The following NUAK1 variants were observed in gnomAD, a reference collection of about 807,000 sequenced individuals.
NUAK1 encodes NUAK family SNF1-like kinase 1.
In NUAK1, 26 loss-of-function variants were observed where a neutral mutation model predicts 56.9. The observed-to-expected ratio is 0.46, with a 90% CI of 0.33 to 0.63. The LOEUF is 0.63. Ranked by LOEUF, NUAK1 falls within the 30% of genes least tolerant of loss-of-function variation. The pLI, the probability that NUAK1 is intolerant of heterozygous loss-of-function variation, is 0.02. For missense variants in NUAK1, 727 were observed against 876.1 expected (o/e 0.83, Z 2.15); for synonymous variants, 337 against 336.0 (o/e 1.00, Z -0.03).
At chr12:106,101,556 C>T (rs879565583) in intron 2 of NUAK1, among the ~76,000 whole-genome samples, 2 of 152,280 alleles carry the variant, frequency 1.3e-5, no homozygotes, top group Non-Finnish European at 1.5e-5. Context: ...AGTTAAAAGT[C>T]GGTCATCTAT....
At chr12:106,093,595 G>T (rs549209066) in intron 2 of NUAK1, among the ~76,000 whole-genome samples, 1 of 152,184 alleles carries the variant, frequency 6.6e-6, no homozygotes, top group Admixed American at 6.5e-5. Context: ...TGAGGGAAAC[G>T]CTGATGAGTG....
chr12:106,081,840 T>A, intron 4 of NUAK1, among the ~76,000 whole-genome samples: 1 of 152,152 alleles, frequency 6.6e-6, no homozygotes, highest in East Asian at 1.9e-4. Context: ...AGATGACATT[T>A]AGTTTTGAGA....
rs1372467999 is a variant in NUAK1, at chr12:106,138,021, G to GGAATGTGGTTC, written c.240+382_240+392dup. ...GACTTGAGGGGCTAGCTCCTAGCTG[G>GGAATGTGGTTC]GAATGTGGTTCTTTGGAGAGTTGTG... On this transcript the variant is annotated intron_variant, in intron 1 of 6. Coordinates refer to ENST00000261402, the MANE Select transcript of NUAK1 (RefSeq NM_014840.3). This position sits in a 1 kb window ranked among gnomAD's most constrained non-coding sequence, Gnocchi z 5.0. Among the ~76,000 whole-genome samples, 1 of 152,180 alleles carries GGAATGTGGTTC rather than the reference G, an allele frequency of 6.6e-6. No individual in the cohort carries two copies. Among genetic ancestry groups the GGAATGTGGTTC allele is most frequent in the Non-Finnish European group, 1.5e-5 (1 of 68,038 alleles).
At chr12:106,118,335 C>T in intron 1 of NUAK1, among the ~76,000 whole-genome samples, 1 of 152,230 alleles carries the variant, frequency 6.6e-6, no homozygotes, top group East Asian at 1.9e-4. Context: ...TACTTGGATC[C>T]AGTGGCCAAT....
rs1403300281 is a variant in NUAK1, at chr12:106,066,698, T to TC, written c.*103dup. On this transcript the variant is annotated 3_prime_UTR_variant, in exon 7 of 7. Transcript: ENST00000261402. ...CAAGTGAGACAGTGCCAATCCTTTTTCAGTCTGTTGTCACAGCCAGCAAAG... is the reference window on the plus strand; with the variant it reads ...CAAGTGAGACAGTGCCAATCCTTTTTCCAGTCTGTTGTCACAGCCAGCAAAG... 12 of 996,682 alleles carry TC rather than the reference T, an allele frequency of 1.2e-5. No homozygotes were observed. The African/African-American group carries it at 1.9e-4, about 16-fold the overall frequency. The allele number at this position is 996,682 out of a possible 1,614,324, so 61.7% of individuals were successfully genotyped here. A position where few individuals can be genotyped will look rare whatever the true frequency, so the allele number is the denominator to read the frequency against.
At chr12:106,103,333 A>G (rs1031843358) in intron 2 of NUAK1, 3 of 152,208 alleles carry the variant, frequency 2.0e-5, no homozygotes, top group Non-Finnish European at 4.4e-5. Context: ...CCCAAAACAC[A>G]ATAGTGTTCT....
intron 1 of NUAK1, among the ~76,000 whole-genome samples, chr12:106,107,898 T>C (rs2032818682): frequency 6.6e-6 from 1 of 152,226 alleles, no homozygotes; most frequent in African/African-American, 2.4e-5. Context: ...TCCTTTGCAG[T>C]CCTTACCCCA....
chr12:106,136,044 C>A (rs1034028008), intron 1 of NUAK1, among the ~76,000 whole-genome samples: 2 of 152,132 alleles, frequency 1.3e-5, no homozygotes, highest in Admixed American at 6.5e-5. Flanking sequence ...GGACGGGGGG[C>A]CAAGGAGGAC....
chr12:106,084,121 C>T (rs549676137), intron 3 of NUAK1, 192 bp from the exon 4 acceptor site: 10 of 589,646 alleles, frequency 1.7e-5, no homozygotes, highest in African/African-American at 1.9e-5. Context: ...GACCAACCAG[C>T]GACAGGAGAG....
chr12:106,075,458 T>G (rs780202037), intron 4 of NUAK1, among the ~76,000 whole-genome samples: 1 of 152,180 alleles, frequency 6.6e-6, no homozygotes, highest in East Asian at 1.9e-4. Flanking sequence ...CTCTGAAGCT[T>G]CAGTTTTCTC....
chr12:106,099,714 TTAAG>T (rs2032729389), intron 2 of NUAK1, among the ~76,000 whole-genome samples: 1 of 152,064 alleles, frequency 6.6e-6, no homozygotes, highest in South Asian at 2.1e-4. Context: ...GATATAAGGG[TTAAG>T]TGAGATAGTA....
At chr12:106,106,339 T>C in intron 2 of NUAK1, 66 bp downstream of exon 2, 1 of 1,441,018 alleles carries the variant, frequency 6.9e-7, no homozygotes, top group Non-Finnish European at 9.4e-7. Flanking sequence ...CTCAAAGTCT[T>C]GGCAGGCCCC....
chr12:106,071,923 C>A (rs902109445), intron 5 of NUAK1, among the ~76,000 whole-genome samples: 1 of 152,208 alleles, frequency 6.6e-6, no homozygotes, highest in African/African-American at 2.4e-5. Flanking sequence ...TTTCAACACA[C>A]TGAGCAGCTG....
chr12:106,084,108 A>T, intron 3 of NUAK1, 179 bp from the exon 4 acceptor site: 1 of 599,792 alleles, frequency 1.7e-6, no homozygotes, highest in Middle Eastern at 3.7e-4. Flanking sequence ...CTCCCCCGCC[A>T]GCGACCAACC....
At chr12:106,114,047 C>T (rs922854918) in intron 1 of NUAK1, among the ~76,000 whole-genome samples, 1 of 152,170 alleles carries the variant, frequency 6.6e-6, no homozygotes, top group African/African-American at 2.4e-5. Flanking sequence ...TCTCTGAAGC[C>T]AAATGCAACA....
chr12:106,097,021 A>C (rs972290625), intron 2 of NUAK1, among the ~76,000 whole-genome samples: 12 of 152,182 alleles, frequency 7.9e-5, no homozygotes, highest in African/African-American at 2.7e-4. Context: ...TCCAGCCAGA[A>C]AGGACATCTC....
chr12:106,102,311 A>G (rs190264134), intron 2 of NUAK1, among the ~76,000 whole-genome samples: 1 of 152,296 alleles, frequency 6.6e-6, no homozygotes, highest in Admixed American at 6.5e-5. Flanking sequence ...ACTCATGCAC[A>G]CAACACATGA....
intron 4 of NUAK1, among the ~76,000 whole-genome samples, chr12:106,081,756 C>T (rs1175420173): frequency 6.6e-6 from 1 of 152,236 alleles, no homozygotes; most frequent in Non-Finnish European, 1.5e-5. Context: ...GGGAATACAT[C>T]ATGGGACCAA....
intron 4 of NUAK1, among the ~76,000 whole-genome samples, chr12:106,079,948 T>C (rs1381956828): frequency 6.6e-6 from 1 of 152,242 alleles, no homozygotes; most frequent in African/African-American, 2.4e-5. Context: ...CCTTAATGAA[T>C]ATTTCTGATC....
Sources: gnomAD v4.1 joint callset for allele counts (sites outside exome capture counted in the v4.1 genomes callset) on GRCh38, gnomAD v4.1.1 for gene constraint, Gnocchi (gnomAD v3.1) non-coding constraint, MANE v1.5 for transcripts, NCBI Gene and HGNC (gene_info 2026-07-23, HGNC 2026-07-21) for gene names.